ELP6: variants seen among roughly 807,000 people sequenced by gnomAD.
The protein encoded by ELP6 is elongator acetyltransferase complex subunit 6.
Under a neutral mutation model 28.1 loss-of-function variants are expected in ELP6, and 23 were observed. The observed-to-expected ratio is 0.82, with a 90% CI of 0.59 to 1.16. The LOEUF (loss-of-function observed/expected upper bound fraction) is 1.16. ELP6 is among the 50% of genes most tolerant of loss of function. The pLI, the probability that ELP6 is intolerant of heterozygous loss-of-function variation, is 0.00. For missense variants in ELP6, 313 were observed against 334.6 expected, an observed-to-expected ratio of 0.94 and a Z score of 0.50; for synonymous variants, 132 against 135.8, an observed-to-expected ratio of 0.97 and a Z score of 0.19.
chr3:47,497,706 G>A (rs1708519202), intron 6 of ELP6, among the ~76,000 whole-genome samples: 1 of 150,440 alleles, frequency 6.6e-6, no homozygotes, highest in Non-Finnish European at 1.5e-5. Context: ...GGGTGGGGGT[G>A]GATCACGAGG....
intron 4 of ELP6, chr3:47,502,577 G>A: frequency 1.0e-6 from 1 of 983,658 alleles, no homozygotes; most frequent in East Asian, 1.1e-4. Flanking sequence ...GCTCACACCT[G>A]TAATCCCAGC....
intron 5 of ELP6, chr3:47,499,773 G>A: frequency 9.5e-7 from 1 of 1,048,838 alleles, no homozygotes; most frequent in Non-Finnish European, 1.2e-6. Flanking sequence ...AAGCAGCATG[G>A]CCAGGCCGGG....
In ELP6 at chr3:47,495,732, C is replaced by G. The variant is rs1708462085; in HGVS notation, c.*337G>C. 1 of 289,156 alleles carries G rather than the reference C, an allele frequency of 3.5e-6. No homozygotes were observed. The highest frequency in any genetic ancestry group is 2.3e-5 in the African/African-American group (1 of 43,566). The allele number at this position is 289,156 out of a possible 1,614,324, so 17.9% of individuals were successfully genotyped here. A position where few individuals can be genotyped will look rare whatever the true frequency, so the allele number is the denominator to read the frequency against. On this transcript the variant is annotated 3_prime_UTR_variant, in exon 7 of 7. Transcript: ENST00000296149. ...CGGTGCCATCTCCTGGCTGGCACAT[C>G]TATACCCACTCTGGCTCTGAAAGGC...
At chr3:47,506,269 C>T (rs1427367783) in intron 3 of ELP6, among the ~76,000 whole-genome samples, 5 of 152,034 alleles carry the variant, frequency 3.3e-5, no homozygotes, top group South Asian at 2.1e-4. Context: ...ACTGCAGGAC[C>T]GGGGCGAAAT....
At chr3:47,503,332 G>A (rs1708723540) in intron 4 of ELP6, 2 of 1,289,266 alleles carry the variant, frequency 1.6e-6, no homozygotes, top group Non-Finnish European at 2.0e-6. Flanking sequence ...AGCCAAGCGG[G>A]GAGTCTTCAC....
At chr3:47,501,884 A>G (rs756387698) in intron 4 of ELP6, 33 bp from the exon 5 acceptor site, 3 of 1,587,416 alleles carry the variant, frequency 1.9e-6, no homozygotes, top group Admixed American at 1.8e-5. Context: ...ACCAGACTTC[A>G]CTCTCTCTAC....
chr3:47,508,494 C>T (rs1708913308), intron 3 of ELP6, among the ~76,000 whole-genome samples: 1 of 152,202 alleles, frequency 6.6e-6, no homozygotes, highest in African/African-American at 2.4e-5. Flanking sequence ...GCCACCACCC[C>T]TGGCAGCCAA....
rs551038885 is a variant in ELP6 at position 47,509,173 on chromosome 3, GCTGGTCTC to G, written c.204+1003_204+1010del. ...GATGGGGTTTTGCTATGCTGGCCAG[GCTGGTCTC>G]CAACTCCTGACCTCAGGTGATCTGC... On this transcript the variant is annotated intron_variant, in intron 3 of 6. Coordinates refer to ENST00000296149, the MANE Select transcript of ELP6 (RefSeq NM_001031703.3). 7.9e-5 allele frequency among the ~76,000 whole-genome samples: 12 copies of G among 151,934 alleles called. No homozygotes were observed. In the South Asian group the frequency reaches 2.3e-3, roughly 29 times the overall value.
At chr3:47,501,579 A>G in intron 5 of ELP6, 71 bp downstream of exon 5, 1 of 1,451,872 alleles carries the variant, frequency 6.9e-7, no homozygotes, top group Non-Finnish European at 9.6e-7. Flanking sequence ...CACAGCAAGC[A>G]AGTGAGGTCT....
chr3:47,496,945 TGGCTGAAGAGA>T lies in ELP6; in HGVS notation c.673-759_673-749del, dbSNP rs1385645917. ...TGCTGACTACAATGCTCTGGGGGTCTGGCTGAAGAGAGGCCACAGCTGCCCAGCAGCACCTT... is the reference window on the plus strand; with the variant it reads ...TGCTGACTACAATGCTCTGGGGGTCTGGCCACAGCTGCCCAGCAGCACCTT... On this transcript the variant is annotated intron_variant, in intron 6 of 6. Coordinates refer to ENST00000296149, the MANE Select transcript of ELP6 (RefSeq NM_001031703.3). 8.1e-6 allele frequency: 8 copies of T among 985,344 alleles called. No homozygotes were observed. The African/African-American group carries it at 1.4e-4, about 17-fold the overall frequency. The allele number at this position is 985,344 out of a possible 1,614,324, so 61.0% of individuals were successfully genotyped here.
intron 2 of ELP6, 56 bp downstream of exon 2, chr3:47,511,092 T>C (rs748837352): frequency 6.7e-7 from 1 of 1,499,206 alleles, no homozygotes. Context: ...TTTTGGTTTT[T>C]ATTATTTCTG....
chr3:47,512,636 C>G lies in ELP6; in HGVS notation c.54+901G>C, dbSNP rs961140499. 6.1e-6 allele frequency: 6 copies of G among 985,284 alleles called. No individual in the cohort carries two copies. The African/African-American group carries it at 1.0e-4, about 17-fold the overall frequency. The allele number at this position is 985,284 out of a possible 1,614,324, so 61.0% of individuals were successfully genotyped here. A position where few individuals can be genotyped will look rare whatever the true frequency, so the allele number is the denominator to read the frequency against. ...TAAAATGTGAAAGGTTTCAAGGTAC[C>G]CCGGAGTGTGAGGAGGGTGGAGAGA... is the stretch of plus-strand genomic sequence containing the variant. On this transcript the variant is annotated intron_variant, in intron 1 of 6. Transcript: ENST00000296149.
chr3:47,497,922 C>T, intron 6 of ELP6: 1 of 983,988 alleles, frequency 1.0e-6, no homozygotes, highest in Non-Finnish European at 1.2e-6. Context: ...CAGAGCAAGA[C>T]TCCGTCTAAA....
At position 47,495,910 on chromosome 3, in the gene ELP6, G is replaced by A. The variant is rs1460978911; in HGVS notation, c.*159C>T. ...TCTGAACAGGGCCCAGGGCAGCCAAGGCATGCCATCACTGCAGCACTCAAC... is the reference window on the plus strand; with the variant it reads ...TCTGAACAGGGCCCAGGGCAGCCAAAGCATGCCATCACTGCAGCACTCAAC... On this transcript the variant is annotated 3_prime_UTR_variant, in exon 7 of 7. Coordinates refer to ENST00000296149, the MANE Select transcript of ELP6 (RefSeq NM_001031703.3). 8.0e-7 allele frequency: 1 copy of A among 1,248,790 alleles called. No homozygotes were observed. The highest frequency in any genetic ancestry group is 1.1e-6 in the Non-Finnish European group (1 of 912,978). The allele number at this position is 1,248,790 out of a possible 1,614,324, so 77.4% of individuals were successfully genotyped here.
chr3:47,498,526 C>T, intron 5 of ELP6, 94 bp from the exon 6 acceptor site: 2 of 1,548,776 alleles, frequency 1.3e-6, no homozygotes, highest in Admixed American at 1.7e-5. Context: ...CTCCCCTGTA[C>T]ATCCTCTCAC....
chr3:47,508,060 G>A (rs541484158), intron 3 of ELP6, among the ~76,000 whole-genome samples: 2 of 151,952 alleles, frequency 1.3e-5, no homozygotes, highest in African/African-American at 4.8e-5. Context: ...TTTACATCCT[G>A]ACTGTTCTCC....
At chr3:47,510,089 G>T in intron 3 of ELP6, 95 bp downstream of exon 3, 1 of 1,060,660 alleles carries the variant, frequency 9.4e-7, no homozygotes, top group Non-Finnish European at 1.5e-6. Context: ...CTTTTGCTAA[G>T]TTCTGTACAA....
Position 47,495,928 on chromosome 3 carries a change from C to T in ELP6, c.*141G>A. The T allele has an allele frequency of 7.0e-7, 1 of 1,437,430 alleles. No individual in the cohort carries two copies. The highest frequency in any genetic ancestry group is 1.2e-5 in the South Asian group (1 of 80,420). The allele number at this position is 1,437,430 out of a possible 1,614,324, so 89.0% of individuals were successfully genotyped here. A position where few individuals can be genotyped will look rare whatever the true frequency, so the allele number is the denominator to read the frequency against. ...CAGCCAAGGCATGCCATCACTGCAG[C>T]ACTCAACCCTCTGGTCACAGTGGAG... On this transcript the variant is annotated 3_prime_UTR_variant, in exon 7 of 7. Transcript: ENST00000296149.
At chr3:47,511,480 G>T in intron 1 of ELP6, 1 of 1,283,896 alleles carries the variant, frequency 7.8e-7, no homozygotes, top group Non-Finnish European at 9.9e-7. Context: ...AAAGCAAACA[G>T]AGAATAAACT....
Sources: allele counts gnomAD v4.1 joint callset (sites outside exome capture counted in the v4.1 genomes callset), GRCh38; gene constraint gnomAD v4.1.1; transcripts MANE v1.5; gene names NCBI Gene and HGNC (gene_info 2026-07-23, HGNC 2026-07-21).